GRK3: variants seen among roughly 807,000 people sequenced by gnomAD.
GRK3 encodes the protein G protein-coupled receptor kinase 3.
GRK3 carries 54 observed loss-of-function variants against 95.7 expected under a neutral mutation model. The ratio of observed to expected loss-of-function variants is 0.56; its 90% CI spans 0.45 to 0.71. The LOEUF (loss-of-function observed/expected upper bound fraction) is 0.71. Ranked by LOEUF, GRK3 falls within the 30% of genes least tolerant of loss-of-function variation. The probability of loss-of-function intolerance (pLI) is 0.00; values close to 1 mark genes in which losing one functional copy is unlikely to be tolerated. For missense variants in GRK3, 649 were observed against 851.2 expected (o/e 0.76, Z 2.96); for synonymous variants, 281 against 290.8 (o/e 0.97, Z 0.34).
chr22:25,722,672 A>C lies in GRK3; in HGVS notation c.*222A>C. Reference sequence around the variant, plus strand: ...TAAAAGTTCTTTTTCTTTGCTACACACTTTGGTACCTATGAACCTAGAACT... The same window carrying C: ...TAAAAGTTCTTTTTCTTTGCTACACCCTTTGGTACCTATGAACCTAGAACT... On this transcript the variant is annotated 3_prime_UTR_variant, in exon 21 of 21. Transcript: ENST00000324198. 2.1e-6 allele frequency: 1 copy of C among 468,868 alleles called. No individual in the cohort carries two copies. Among genetic ancestry groups the C allele is most frequent in the African/African-American group, 1.9e-5 (1 of 51,626 alleles). 29.0% of individuals were successfully genotyped at this position (468,868 alleles called of 1,614,324 possible). A position where few individuals can be genotyped will look rare whatever the true frequency, so the allele number is the denominator to read the frequency against.
Position 25,725,683 on chromosome 22 carries a change from A to G in GRK3, c.*3233A>G. ...AGGGGCTGGCCGGGCACGATGGCTC[A>G]CGCCTATAATCCCAGCACTTTGGGA... On this transcript the variant is annotated 3_prime_UTR_variant, in exon 21 of 21. Transcript: ENST00000324198. The G allele has an allele frequency of 2.5e-6, 1 of 398,592 alleles. No homozygotes were observed. Among genetic ancestry groups the G allele is most frequent in the Non-Finnish European group, 4.4e-6 (1 of 226,060 alleles). The allele number at this position is 398,592 out of a possible 1,614,324, so 24.7% of individuals were successfully genotyped here.
intron 2 of GRK3, among the ~76,000 whole-genome samples, chr22:25,636,615 T>G (rs1190042705): frequency 6.6e-6 from 1 of 152,196 alleles, no homozygotes; most frequent in Non-Finnish European, 1.5e-5. Flanking sequence ...ACAATTTAAT[T>G]CTGATAAATG....
At chr22:25,710,393 G>A (rs1222032171) in intron 16 of GRK3, among the ~76,000 whole-genome samples, 1 of 151,980 alleles carries the variant, frequency 6.6e-6, no homozygotes, top group African/African-American at 2.4e-5. Flanking sequence ...ATAAACGTAT[G>A]TATATTTTCT....
chr22:25,620,014 G>C (rs3966191), intron 2 of GRK3, among the ~76,000 whole-genome samples: 3 of 125,698 alleles, frequency 2.4e-5, no homozygotes, highest in Non-Finnish European at 4.9e-5. Flanking sequence ...TTTTGTGTGT[G>C]TGTGTGTGTG....
At chr22:25,587,575 C>T (rs1409321879) in intron 1 of GRK3, among the ~76,000 whole-genome samples, 4 of 152,142 alleles carry the variant, frequency 2.6e-5, no homozygotes, top group African/African-American at 9.7e-5. Flanking sequence ...ACCACAGACA[C>T]GTACCACCAT....
At chr22:25,622,009 A>G (rs564994492) in intron 2 of GRK3, among the ~76,000 whole-genome samples, 35 of 152,246 alleles carry the variant, frequency 2.3e-4, no homozygotes, top group Non-Finnish European at 4.1e-4. Context: ...AGTTTTTCCA[A>G]CTGTGTCCTG....
rs138356791 is a variant in GRK3 at position 25,644,662 on chromosome 22, A to G, written c.261A>G (p.Glu87=). 1,253 of 1,520,568 alleles carry G rather than the reference A, an allele frequency of 8.2e-4. 21 individuals carry two copies. The Admixed American group carries it at 0.021, about 25-fold the overall frequency. The allele number at this position is 1,520,568 out of a possible 1,614,324, so 94.2% of individuals were successfully genotyped here. The change falls in exon 3 of 21, where the codon GAA becomes GAG. Residue 87 remains glutamate, a synonymous_variant. Coordinates refer to ENST00000324198, the MANE Select transcript of GRK3 (RefSeq NM_005160.4). The part of the protein sequence containing the change: ...NEAVPQVKFY[E]EIKEYEKLDN... ...CTGTACCTCAGGTGAAGTTTTATGA[A>G]GAGGTAAGAAGTAACTGTTTTACTG...
chr22:25,617,011 C>T (rs576503192), intron 2 of GRK3, among the ~76,000 whole-genome samples: 12 of 152,232 alleles, frequency 7.9e-5, no homozygotes, highest in South Asian at 2.1e-4. Flanking sequence ...AAGATTCTTA[C>T]GGGTGTGAAT....
intron 1 of GRK3, among the ~76,000 whole-genome samples, chr22:25,592,354 G>A (rs866578778): frequency 5.3e-5 from 8 of 152,106 alleles, no homozygotes; most frequent in African/African-American, 7.2e-5. Context: ...GCTTTAAAGC[G>A]TCTTTATTTA....
At chr22:25,701,070 A>G (rs1243612675) in intron 13 of GRK3, among the ~76,000 whole-genome samples, 1 of 152,186 alleles carries the variant, frequency 6.6e-6, no homozygotes. Flanking sequence ...GTTCCATTCT[A>G]TCTGTAGTTC....
At chr22:25,686,723 A>G (rs761702673) in intron 10 of GRK3, among the ~76,000 whole-genome samples, 6 of 152,206 alleles carry the variant, frequency 3.9e-5, no homozygotes, top group African/African-American at 7.2e-5. Flanking sequence ...AGCAGATAGC[A>G]ACATTGAAAG....
At chr22:25,675,564 G>C (rs987799201) in intron 8 of GRK3, among the ~76,000 whole-genome samples, 40 of 152,156 alleles carry the variant, frequency 2.6e-4, no homozygotes, top group African/African-American at 9.4e-4. Flanking sequence ...TAAGTGCCAG[G>C]CATGTTAGAG....
chr22:25,619,700 C>T (rs1452336104), intron 2 of GRK3, among the ~76,000 whole-genome samples: 1 of 145,920 alleles, frequency 6.9e-6, no homozygotes, highest in Non-Finnish European at 1.5e-5. Flanking sequence ...GGCTGTTGCC[C>T]AGGCTGGTTT....
intron 9 of GRK3, among the ~76,000 whole-genome samples, chr22:25,682,770 G>T (rs551719852): frequency 2.4e-4 from 36 of 152,194 alleles, no homozygotes; most frequent in African/African-American, 8.0e-4. Flanking sequence ...CGCATCTCCG[G>T]CACCCAGATC....
intron 11 of GRK3, among the ~76,000 whole-genome samples, chr22:25,689,285 T>G (rs1029524438): frequency 1.3e-5 from 2 of 152,220 alleles, no homozygotes; most frequent in Admixed American, 1.3e-4. Context: ...TGACGGCCCA[T>G]GAAGCGCTAT....
chr22:25,718,141 C>T, intron 18 of GRK3, 104 bp from the exon 19 acceptor site: 1 of 1,311,800 alleles, frequency 7.6e-7, no homozygotes, highest in Non-Finnish European at 1.1e-6. Context: ...TTATAGAAAC[C>T]TGCTTTTTCC....
chr22:25,694,250 C>T (rs569553837), intron 12 of GRK3, among the ~76,000 whole-genome samples: 7 of 152,240 alleles, frequency 4.6e-5, no homozygotes, highest in Non-Finnish European at 8.8e-5. Context: ...GAAAATTAAT[C>T]GTGGATGAAA....
chr22:25,628,313 G>A (rs1405859086), intron 2 of GRK3, among the ~76,000 whole-genome samples: 2 of 152,210 alleles, frequency 1.3e-5, no homozygotes, highest in Non-Finnish European at 2.9e-5. Flanking sequence ...AAATAACAAA[G>A]TGTCCATATG....
intron 3 of GRK3, chr22:25,648,022 A>C (rs1298748884): frequency 1.8e-5 from 9 of 495,602 alleles, no homozygotes; most frequent in Non-Finnish European, 7.3e-6. Context: ...AGGCTGAGGC[A>C]GCAGAATCAC....
Sources: allele counts gnomAD v4.1 joint callset (sites outside exome capture counted in the v4.1 genomes callset), GRCh38; gene constraint gnomAD v4.1.1; transcripts MANE v1.5; gene names NCBI Gene and HGNC (gene_info 2026-07-23, HGNC 2026-07-21).